SLC5A8: variants seen among roughly 807,000 people sequenced by gnomAD.
The protein encoded by SLC5A8 is sodium-coupled monocarboxylate transporter 1.
SLC5A8 carries 55 observed loss-of-function variants against 71.9 expected under a neutral mutation model. The observed-to-expected ratio is 0.77, with a 90% CI of 0.62 to 0.96. The LOEUF is 0.96. SLC5A8 is among the 40% of genes least tolerant of loss of function. SLC5A8 has a pLI of 0.00. For synonymous variants in SLC5A8, 307 were observed against 276.1 expected (o/e 1.11, Z -1.11); for missense variants, 701 against 745.3 (o/e 0.94, Z 0.69).
chr12:101,201,195 G>A (rs534215578), intron 3 of SLC5A8, among the ~76,000 whole-genome samples: 16 of 152,224 alleles, frequency 1.1e-4, no homozygotes, highest in South Asian at 6.2e-4. Context: ...CTCAGTTCTC[G>A]ACAAATGAGA....
intron 10 of SLC5A8, among the ~76,000 whole-genome samples, chr12:101,177,041 A>T (rs1421700691): frequency 1.3e-5 from 2 of 152,120 alleles, no homozygotes; most frequent in Non-Finnish European, 2.9e-5. Context: ...ACTGAAAAAA[A>T]TAAGATACAA....
At chr12:101,177,001 C>T (rs1426333893) in intron 10 of SLC5A8, among the ~76,000 whole-genome samples, 1 of 151,904 alleles carries the variant, frequency 6.6e-6, no homozygotes, top group African/African-American at 2.4e-5. Flanking sequence ...TCTTTGAAAA[C>T]ATCAATGAAA....
At chr12:101,201,743 G>T (rs1593384524) in intron 3 of SLC5A8, among the ~76,000 whole-genome samples, 4 of 152,164 alleles carry the variant, frequency 2.6e-5, no homozygotes, top group African/African-American at 9.7e-5. Flanking sequence ...GGCCTTATTA[G>T]AAGTGTGGAG....
intron 5 of SLC5A8, among the ~76,000 whole-genome samples, chr12:101,193,004 C>T (rs369535813): frequency 1.4e-5 from 2 of 141,470 alleles, no homozygotes; most frequent in East Asian, 4.2e-4. Flanking sequence ...CAGAGTCTCA[C>T]TCTGTTGCAC....
intron 3 of SLC5A8, among the ~76,000 whole-genome samples, chr12:101,195,411 G>A (rs548383683): frequency 3.9e-5 from 6 of 152,210 alleles, no homozygotes; most frequent in Non-Finnish European, 5.9e-5. Context: ...ACATGGAAAG[G>A]CGTTTATATT....
rs139521439 is a variant in SLC5A8 at position 101,209,681 on chromosome 12, G to A, written c.168C>T (p.Pro56=). The A allele has an allele frequency of 6.2e-7, 1 of 1,613,630 alleles. No individual in the cohort carries two copies. The highest frequency in any genetic ancestry group is 8.5e-7 in the Non-Finnish European group (1 of 1,180,030). Residue 56 remains proline, a synonymous_variant, in exon 1 of 15, where the codon CCC becomes CCT. Transcript: ENST00000536262. ...AGCTAGCGGTGAGGGACAGCGCCAC[G>A]GGCACTGCGGTCATTCTGCGGCCGC... ...LMGGRRMTAV[P]VALSLTASFM...
chr12:101,199,555 G>A (rs183500561), intron 3 of SLC5A8, among the ~76,000 whole-genome samples: 176 of 151,992 alleles, frequency 1.2e-3, no homozygotes, highest in Non-Finnish European at 2.1e-3. Context: ...CTAATAATAA[G>A]CTAAGCCATA....
At chr12:101,191,686 C>T (rs995106704) in intron 5 of SLC5A8, among the ~76,000 whole-genome samples, 8 of 152,140 alleles carry the variant, frequency 5.3e-5, no homozygotes, top group South Asian at 4.1e-4. Flanking sequence ...CAATGGCAGA[C>T]GACACAGAAA....
intron 7 of SLC5A8, among the ~76,000 whole-genome samples, chr12:101,185,858 G>T (rs1403434521): frequency 6.6e-6 from 1 of 152,160 alleles, no homozygotes; most frequent in Non-Finnish European, 1.5e-5. Flanking sequence ...GATTACAGGC[G>T]TGAGCCACCA....
chr12:101,185,476 T>C (rs1016645566), intron 7 of SLC5A8, among the ~76,000 whole-genome samples: 1 of 152,144 alleles, frequency 6.6e-6, no homozygotes, highest in Non-Finnish European at 1.5e-5. Flanking sequence ...GAGAGGAAAA[T>C]AGTAAAACTA....
chr12:101,173,262 T>A (rs765174593), intron 10 of SLC5A8, among the ~76,000 whole-genome samples: 6 of 152,182 alleles, frequency 3.9e-5, no homozygotes, highest in African/African-American at 9.7e-5. Context: ...CACAGCCAGG[T>A]GGTGCCTTTC....
Position 101,209,931 on chromosome 12 carries a change from G to C in SLC5A8, c.-83C>G, listed in dbSNP as rs112777254. Reference sequence around the variant, plus strand: ...GAGCCCGGCGCGCACTTCTTATCCCGGATCCCTGGCGCGCAGGCGTGGCGT... The same window carrying C: ...GAGCCCGGCGCGCACTTCTTATCCCCGATCCCTGGCGCGCAGGCGTGGCGT... On this transcript the variant is annotated 5_prime_UTR_variant, in exon 1 of 15. Coordinates refer to ENST00000536262, the MANE Select transcript of SLC5A8 (RefSeq NM_145913.5). The C allele has an allele frequency of 0.01, 13,311 of 1,289,026 alleles. 1,136 individuals carry two copies. The African/African-American group carries it at 0.18, about 18-fold the overall frequency. The allele number at this position is 1,289,026 out of a possible 1,614,324, so 79.8% of individuals were successfully genotyped here. A position where few individuals can be genotyped will look rare whatever the true frequency, so the allele number is the denominator to read the frequency against.
In SLC5A8 at chr12:101,182,887, C is replaced by T; in HGVS notation, c.1081G>A (p.Ala361Thr). The T allele has an allele frequency of 1.3e-6, 2 of 1,592,304 alleles. No individual in the cohort carries two copies. Among genetic ancestry groups the T allele is most frequent in the South Asian group, 1.2e-5 (1 of 86,262 alleles). The change falls in exon 9 of 15, where the codon GCA becomes ACA. Residue 361 changes from alanine (A) to threonine (T), a missense_variant. Coordinates refer to ENST00000536262, the MANE Select transcript of SLC5A8 (RefSeq NM_145913.5). The part of the protein sequence containing the change: ...STVSSSINAL[A>T]AVTVEDLIKP... ...ATTAGATCTTCCACAGTTACTGCTG[C>T]TAAGGCATTAATACTGGAGGACACT... is the stretch of plus-strand genomic sequence containing the variant.
rs990549158 is a variant in SLC5A8 at position 101,156,411 on chromosome 12, G to C, written c.*868C>G. The C allele has an allele frequency of 6.6e-6, 1 of 152,108 alleles. No homozygotes were observed. Among genetic ancestry groups the C allele is most frequent in the African/African-American group, 2.4e-5 (1 of 41,420 alleles). The allele number at this position is 152,108 out of a possible 1,614,324, so 9.4% of individuals were successfully genotyped here. On this transcript the variant is annotated 3_prime_UTR_variant, in exon 15 of 15. Transcript: ENST00000536262. Reference sequence around the variant, plus strand: ...AGCTAATGGGAGTTCATAATTTATAGTCTGGGACTTGATAAGCCAGGATTT... The same window carrying C: ...AGCTAATGGGAGTTCATAATTTATACTCTGGGACTTGATAAGCCAGGATTT...
intron 12 of SLC5A8, among the ~76,000 whole-genome samples, chr12:101,162,923 T>C (rs2051737256): frequency 6.6e-6 from 1 of 152,156 alleles, no homozygotes; most frequent in Admixed American, 6.5e-5. Context: ...TTTCCACTAG[T>C]AGAAAGTGCT....
chr12:101,180,480 T>C (rs2051922003), intron 9 of SLC5A8, among the ~76,000 whole-genome samples: 1 of 152,250 alleles, frequency 6.6e-6, no homozygotes, highest in Admixed American at 6.5e-5. Flanking sequence ...ACTATTCAGC[T>C]CTGCTCTGTA....
intron 4 of SLC5A8, 53 bp downstream of exon 4, chr12:101,195,042 A>T (rs1869104864): frequency 1.3e-6 from 2 of 1,590,156 alleles, no homozygotes; most frequent in East Asian, 2.2e-5. Context: ...TGGAATTTTC[A>T]ATTTTGCAAA....
At chr12:101,186,433 A>G (rs1244887622) in intron 7 of SLC5A8, among the ~76,000 whole-genome samples, 1 of 152,184 alleles carries the variant, frequency 6.6e-6, no homozygotes, top group Non-Finnish European at 1.5e-5. Flanking sequence ...TTTTCATTCT[A>G]ATGAATCCCC....
intron 9 of SLC5A8, among the ~76,000 whole-genome samples, chr12:101,181,872 T>C (rs1868376852): frequency 6.6e-6 from 1 of 152,210 alleles, no homozygotes; most frequent in Non-Finnish European, 1.5e-5. Context: ...TAAGGACTCA[T>C]TTCAGGCTAC....
Sources: allele counts gnomAD v4.1 joint callset (sites outside exome capture counted in the v4.1 genomes callset), GRCh38; gene constraint gnomAD v4.1.1; transcripts MANE v1.5; gene names NCBI Gene and HGNC (gene_info 2026-07-23, HGNC 2026-07-21).